Variants in UBAP2 observed in about 807,000 individuals in gnomAD.
UBAP2 encodes the protein ubiquitin associated protein 2.
A neutral mutation model predicts 139.6 loss-of-function variants in UBAP2; 75 were observed. That is an observed-to-expected ratio of 0.54 (90% CI 0.45 to 0.65). The LOEUF is 0.65. Ranked by LOEUF, UBAP2 falls within the 30% of genes least tolerant of loss-of-function variation. UBAP2 has a pLI of 0.00. For missense variants in UBAP2, 1,368 were observed against 1,369.6 expected, an observed-to-expected ratio of 1.00 and a Z score of 0.02; for synonymous variants, 526 against 526.2, an observed-to-expected ratio of 1.00 and a Z score of 0.01.
At chr9:34,031,662 G>A (rs1825898693) in intron 1 of UBAP2, among the ~76,000 whole-genome samples, 1 of 151,928 alleles carries the variant, frequency 6.6e-6, no homozygotes. Context: ...CCTCCCAGTA[G>A]CTGGGATCAC....
intron 1 of UBAP2, among the ~76,000 whole-genome samples, chr9:34,048,116 G>A (rs1197011105): frequency 6.6e-6 from 1 of 152,186 alleles, no homozygotes; most frequent in Non-Finnish European, 1.5e-5. Context: ...GTGGGAAAGT[G>A]ATTCAGAGGC....
In UBAP2 at chr9:33,927,851, T is replaced by A. The variant is rs1823595921; in HGVS notation, c.2317A>T (p.Thr773Ser). The change falls in exon 20 of 29, where the codon ACC (threonine) becomes TCC (serine). Residue 773 changes from threonine to serine, a missense_variant. Transcript: ENST00000379238. ...CTGCTGCTGGATGCACTCGCGGGGG[T>A]CCCACCCAGACAGAGGCTGTTCGCG... is the stretch of plus-strand genomic sequence containing the variant. ...NTANSLCLGGTPASASSSSSR... is the reference protein window; with the variant it reads ...NTANSLCLGGSPASASSSSSR... The A allele has an allele frequency of 6.2e-7, 1 of 1,613,172 alleles. No individual in the cohort carries two copies. The highest frequency in any genetic ancestry group is 8.5e-7 in the Non-Finnish European group (1 of 1,179,732).
intron 10 of UBAP2, among the ~76,000 whole-genome samples, chr9:33,958,417 CTT>C (rs35244821): frequency 6.0e-5 from 9 of 149,360 alleles, no homozygotes; most frequent in South Asian, 2.1e-4. Context: ...TCCCCACCCC[CTT>C]TTTTTTTTGA....
intron 2 of UBAP2, among the ~76,000 whole-genome samples, chr9:34,012,605 T>C (rs992082121): frequency 6.6e-6 from 1 of 151,938 alleles, no homozygotes; most frequent in African/African-American, 2.4e-5. Context: ...TTTTTATAAT[T>C]GTACTGTAAT....
chr9:34,016,201 GAGGAGGAAT>G (rs1286224599), intron 2 of UBAP2, among the ~76,000 whole-genome samples: 13 of 146,162 alleles, frequency 8.9e-5, no homozygotes, highest in African/African-American at 3.0e-4. Context: ...ATAGAAGGAA[GAGGAGGAAT>G]AGGAGGAAGA....
chr9:33,940,861 T>C (rs1363250191), intron 16 of UBAP2, among the ~76,000 whole-genome samples: 4 of 152,236 alleles, frequency 2.6e-5, no homozygotes. Context: ...CAATAAAGTA[T>C]CTTTAATTAA....
intron 13 of UBAP2, among the ~76,000 whole-genome samples, chr9:33,946,204 TG>T (rs1825642364): frequency 6.6e-6 from 1 of 152,238 alleles, no homozygotes; most frequent in Non-Finnish European, 1.5e-5. Context: ...TTAACCTGTT[TG>T]TTGATCTGCT....
rs369356751 is a variant in UBAP2 at position 33,923,180 on chromosome 9, C to G, written c.3004+6G>C. 6.2e-7 allele frequency: 1 copy of G among 1,614,092 alleles called. No individual in the cohort carries two copies. Among genetic ancestry groups the G allele is most frequent in the Non-Finnish European group, 8.5e-7 (1 of 1,180,016 alleles). On this transcript the variant is annotated splice_donor_region_variant and intron_variant, in intron 26 of 28. Transcript: ENST00000379238. The stretch of plus-strand genomic sequence containing the variant: ...CCTTATCCTGGAAAGGAGAGGTAAA[C>G]ACTACCTTTGCCAGGCCCAGAACCT...
chr9:34,036,760 T>C (rs553327020), intron 1 of UBAP2, among the ~76,000 whole-genome samples: 1 of 151,922 alleles, frequency 6.6e-6, no homozygotes, highest in African/African-American at 2.4e-5. Flanking sequence ...AATGTAAACT[T>C]AGCATTCACA....
At chr9:34,009,971 C>T (rs948412060) in intron 2 of UBAP2, among the ~76,000 whole-genome samples, 1 of 151,228 alleles carries the variant, frequency 6.6e-6, no homozygotes, top group Non-Finnish European at 1.5e-5. Flanking sequence ...CCATGCTTGG[C>T]TAATTCTGTA....
At position 34,036,602 on chromosome 9, in the gene UBAP2, A is replaced by C. The variant is rs375028197; in HGVS notation, c.-42+12223T>G. Reference sequence around the variant, plus strand: ...CTGCTCACCAACATGTAAGCAACTGAAGATCAGGAACCTACATTATTCATC... The same window carrying C: ...CTGCTCACCAACATGTAAGCAACTGCAGATCAGGAACCTACATTATTCATC... On this transcript the variant is annotated intron_variant, in intron 1 of 28. Transcript: ENST00000379238. Among the ~76,000 whole-genome samples, 19 of 152,300 alleles carry C rather than the reference A, an allele frequency of 1.2e-4. 2 individuals carry two copies. Among genetic ancestry groups the C allele is most frequent in the African/African-American group, 4.3e-4 (18 of 41,562 alleles).
intron 8 of UBAP2, among the ~76,000 whole-genome samples, chr9:33,966,224 G>C (rs551732997): frequency 6.6e-6 from 1 of 151,186 alleles, no homozygotes; most frequent in Admixed American, 6.6e-5. Flanking sequence ...GAGGTGGGCA[G>C]ATCACTTGAG....
chr9:34,017,875 C>T (rs937425339), intron 1 of UBAP2, among the ~76,000 whole-genome samples: 26 of 151,236 alleles, frequency 1.7e-4, no homozygotes, highest in African/African-American at 5.8e-4. Flanking sequence ...TGCAGTCAGC[C>T]GAGATCGCGT....
Position 33,996,387 on chromosome 9 carries a change from A to C in UBAP2, c.178-54T>G, listed in dbSNP as rs2131181447. The C allele has an allele frequency of 7.8e-6, 9 of 1,154,362 alleles. No homozygotes were observed. In the South Asian group the frequency reaches 1.1e-4, roughly 14 times the overall value. 71.5% of individuals were successfully genotyped at this position (1,154,362 alleles called of 1,614,324 possible). On this transcript the variant is annotated intron_variant, in intron 3 of 28. Coordinates refer to ENST00000379238, the MANE Select transcript of UBAP2 (RefSeq NM_001370062.2). Reference sequence around the variant, plus strand: ...GGCAAACAAAAAACTGGCACTTGATATTAAGATTCTTCTATACAAATACAG... The same window carrying C: ...GGCAAACAAAAAACTGGCACTTGATCTTAAGATTCTTCTATACAAATACAG...
At position 33,960,706 on chromosome 9, in the gene UBAP2, G is replaced by A. The variant is rs555920301; in HGVS notation, c.798+120C>T. 2.3e-5 allele frequency: 20 copies of A among 877,744 alleles called. No individual in the cohort carries two copies. The African/African-American group carries it at 3.4e-4, about 15-fold the overall frequency. The allele number at this position is 877,744 out of a possible 1,614,324, so 54.4% of individuals were successfully genotyped here. ...GAGGCAGAAGAACTGCTTGAATCTGGGAGGCAGAGGTTGCAATGAGCCAAG... is the reference window on the plus strand; with the variant it reads ...GAGGCAGAAGAACTGCTTGAATCTGAGAGGCAGAGGTTGCAATGAGCCAAG... On this transcript the variant is annotated intron_variant, in intron 10 of 28. Coordinates refer to ENST00000379238, the MANE Select transcript of UBAP2 (RefSeq NM_001370062.2).
At chr9:33,977,780 A>G (rs1281814057) in intron 6 of UBAP2, among the ~76,000 whole-genome samples, 1 of 151,538 alleles carries the variant, frequency 6.6e-6, no homozygotes, top group Non-Finnish European at 1.5e-5. Flanking sequence ...CTTGTGCCTC[A>G]GTCTCCCGAG....
chr9:33,936,780 A>C (rs1360409376), intron 16 of UBAP2, among the ~76,000 whole-genome samples: 1 of 152,144 alleles, frequency 6.6e-6, no homozygotes, highest in Non-Finnish European at 1.5e-5. Context: ...TGAAATGGAC[A>C]AATTCCTTGA....
rs16935295 is a variant in UBAP2 at position 33,927,882 on chromosome 9, C to G, written c.2286G>C (p.Met762Ile). 9,206 of 1,614,204 alleles carry G rather than the reference C, an allele frequency of 5.7e-3. 435 individuals carry two copies. The African/African-American group carries it at 0.1, about 18-fold the overall frequency. ...CCAGACAGAGGCTGTTCGCGGTGTT[C>G]ATGCTACTGGACAGGCTGGCGCCTG... Reference protein sequence around the residue: ...ASSGASLSSSMNTANSLCLGG... With the variant: ...ASSGASLSSSINTANSLCLGG... Residue 762 changes from methionine (M) to isoleucine (I), a missense_variant, in exon 20 of 29, where the codon ATG (methionine) becomes ATC (isoleucine). Coordinates refer to ENST00000379238, the MANE Select transcript of UBAP2 (RefSeq NM_001370062.2).
chr9:34,006,204 A>T lies in UBAP2; in HGVS notation c.100-7340T>A, dbSNP rs372025774. On this transcript the variant is annotated intron_variant, in intron 2 of 28. Transcript: ENST00000379238. ...AGCCGAGATCGCACCATTGCACTCC[A>T]GCCTGGGAGACAGGGTGAGACTCAT... Among the ~76,000 whole-genome samples, 26 of 151,824 alleles carry T rather than the reference A, an allele frequency of 1.7e-4. 1 individual carries two copies. The highest frequency in any genetic ancestry group is 6.0e-4 in the African/African-American group (25 of 41,372).
Sources: gnomAD v4.1 joint callset for allele counts (sites outside exome capture counted in the v4.1 genomes callset) on GRCh38, gnomAD v4.1.1 for gene constraint, MANE v1.5 for transcripts, NCBI Gene and HGNC (gene_info 2026-07-23, HGNC 2026-07-21) for gene names.